PLCL2: variants seen among roughly 807,000 people sequenced by gnomAD.
PLCL2 encodes the protein inactive phospholipase C-like protein 2.
A neutral mutation model predicts 79.6 loss-of-function variants in PLCL2; 4 were observed. The ratio of observed to expected loss-of-function variants is 0.05; its 90% CI spans 0.02 to 0.11. The LOEUF is 0.11. Among genes scored for constraint, PLCL2 ranks in the 10% least tolerant of loss-of-function variants. The pLI is 1.00. For synonymous variants in PLCL2, 484 were observed against 457.7 expected (o/e 1.06, Z -0.73); for missense variants, 895 against 1,291.0 (o/e 0.69, Z 4.70).
chr3:16,971,013 G>T (rs1416861277), intron 1 of PLCL2, among the ~76,000 whole-genome samples: 1 of 152,074 alleles, frequency 6.6e-6, no homozygotes, highest in African/African-American at 2.4e-5. Flanking sequence ...TCTGTAGGTT[G>T]CCTGTTCACT....
intron 1 of PLCL2, among the ~76,000 whole-genome samples, chr3:17,008,893 T>G (rs888457140): frequency 6.6e-6 from 1 of 152,102 alleles, no homozygotes; most frequent in Non-Finnish European, 1.5e-5. Context: ...TCATAGCTCA[T>G]TGCAGCCTCA....
chr3:16,911,918 AATT>A (rs1465080972), intron 1 of PLCL2, among the ~76,000 whole-genome samples: 4 of 152,220 alleles, frequency 2.6e-5, no homozygotes, highest in African/African-American at 9.7e-5. Context: ...TCGTACACAA[AATT>A]ATTAACAATA....
chr3:16,978,641 A>G (rs2063949998), intron 1 of PLCL2, among the ~76,000 whole-genome samples: 1 of 152,204 alleles, frequency 6.6e-6, no homozygotes, highest in South Asian at 2.1e-4. Context: ...TGTTGTCCAC[A>G]GTGTTCTTGA....
intron 5 of PLCL2, among the ~76,000 whole-genome samples, chr3:17,086,391 T>A (rs1284355717): frequency 1.3e-5 from 2 of 152,142 alleles, no homozygotes; most frequent in South Asian, 4.1e-4. Flanking sequence ...ACATGAAAAA[T>A]TCAGTCTAGG....
intron 4 of PLCL2, among the ~76,000 whole-genome samples, chr3:17,046,461 A>C (rs1276991455): frequency 6.6e-6 from 1 of 152,222 alleles, no homozygotes; most frequent in Non-Finnish European, 1.5e-5. Context: ...GAAGACGATC[A>C]AGAAGGAAAC....
At chr3:17,089,299 A>T (rs1352877399) in intron 5 of PLCL2, among the ~76,000 whole-genome samples, 2 of 152,190 alleles carry the variant, frequency 1.3e-5, no homozygotes, top group Non-Finnish European at 2.9e-5. Context: ...CATTGGGGGA[A>T]ATTTGGGAAA....
intron 1 of PLCL2, among the ~76,000 whole-genome samples, chr3:17,006,827 G>A (rs561471462): frequency 2.6e-5 from 4 of 152,292 alleles, no homozygotes; most frequent in African/African-American, 9.6e-5. Flanking sequence ...ACATACATGG[G>A]TATGTGAGCA....
At position 17,009,529 on chromosome 3, in the gene PLCL2, A is replaced by C. The variant is rs2064298057; in HGVS notation, c.328-145A>C. On this transcript the variant is annotated intron_variant, in intron 1 of 5. Transcript: ENST00000615277. The surrounding 1 kb of genome is among the most constrained non-coding windows in gnomAD (Gnocchi z 4.0). ...AGGCCAATTCTGAGCTTTAGAGATG[A>C]ATGAGTATCATTCATCACAGGAATC... 1 of 537,042 alleles carries C rather than the reference A, an allele frequency of 1.9e-6. No individual in the cohort carries two copies. Among genetic ancestry groups the C allele is most frequent in the Non-Finnish European group, 3.3e-6 (1 of 301,230 alleles). 33.3% of individuals were successfully genotyped at this position (537,042 alleles called of 1,614,324 possible).
At chr3:17,063,219 T>TCCC in intron 4 of PLCL2, among the ~76,000 whole-genome samples, 1 of 120,240 alleles carries the variant, frequency 8.3e-6, no homozygotes, top group African/African-American at 3.3e-5. Flanking sequence ...TCTCTTTCTC[T>TCCC]TCCTTCCTCC....
At chr3:16,890,694 C>G (rs1369280803) in intron 1 of PLCL2, among the ~76,000 whole-genome samples, 2 of 152,134 alleles carry the variant, frequency 1.3e-5, no homozygotes, top group Admixed American at 6.6e-5. Context: ...ATACTTTTAC[C>G]AGTGGACCAC....
intron 3 of PLCL2, among the ~76,000 whole-genome samples, chr3:17,018,560 G>T (rs566757537): frequency 6.3e-4 from 96 of 151,882 alleles, no homozygotes; most frequent in Non-Finnish European, 1.2e-3. Flanking sequence ...TGGGGCCTGG[G>T]CTCCATTATT....
chr3:17,056,150 C>T (rs538526598), intron 4 of PLCL2, among the ~76,000 whole-genome samples: 10 of 152,248 alleles, frequency 6.6e-5, no homozygotes, highest in South Asian at 2.1e-4. Flanking sequence ...AGAGGGGTCA[C>T]GAGTAACTCT....
chr3:16,921,809 T>G (rs967381510), intron 1 of PLCL2, among the ~76,000 whole-genome samples: 2 of 152,112 alleles, frequency 1.3e-5, no homozygotes, highest in African/African-American at 4.8e-5. Context: ...CAAGAAAGAA[T>G]TTGATTGTGA....
intron 1 of PLCL2, among the ~76,000 whole-genome samples, chr3:16,924,102 A>G (rs920127843): frequency 2.0e-5 from 3 of 152,154 alleles, no homozygotes; most frequent in Admixed American, 6.5e-5. Context: ...AGTACATCCA[A>G]TGTGTGGGTT....
chr3:17,008,896 C>T (rs373592571), intron 1 of PLCL2, among the ~76,000 whole-genome samples: 2 of 152,126 alleles, frequency 1.3e-5, no homozygotes, highest in African/African-American at 4.8e-5. Context: ...TAGCTCATTG[C>T]AGCCTCAATC....
rs1272936432 is a variant in PLCL2 at position 16,902,881 on chromosome 3, T to TGTGTGTGTGTGTGTGC, written c.327+17516_327+17517insTGTGTGTGTGTGTGCG. On this transcript the variant is annotated intron_variant, in intron 1 of 5. Transcript: ENST00000615277. ...GTGTGTGTGTGTGTGTGTGTGTGTG[T>TGTGTGTGTGTGTGTGC]GNGCGCATGTGCATGCTTTGGAAGG... 5.5e-3 allele frequency among the ~76,000 whole-genome samples: 734 copies of TGTGTGTGTGTGTGTGC among 133,900 alleles called. 7 individuals are homozygous for TGTGTGTGTGTGTGTGC. The highest frequency in any genetic ancestry group is 0.014 in the South Asian group (57 of 3,968). 87.8% of individuals were successfully genotyped at this position (133,900 alleles called of 152,430 possible).
At chr3:16,994,876 C>G (rs190001285) in intron 1 of PLCL2, among the ~76,000 whole-genome samples, 1 of 152,162 alleles carries the variant, frequency 6.6e-6, no homozygotes, top group African/African-American at 2.4e-5. Flanking sequence ...CATCTCTTCC[C>G]CATTTGTGGG....
chr3:17,036,277 C>A (rs560848885), intron 3 of PLCL2, among the ~76,000 whole-genome samples: 10 of 152,268 alleles, frequency 6.6e-5, no homozygotes, highest in Admixed American at 2.0e-4. Context: ...AATAATCTTT[C>A]AGTATTTCAG....
In PLCL2 at chr3:16,931,672, C is replaced by T. The variant is rs73146966; in HGVS notation, c.327+46306C>T. Among the ~76,000 whole-genome samples the T allele has an allele frequency of 6.1e-3, 923 of 152,276 alleles. 13 individuals are homozygous for T. Among genetic ancestry groups the T allele is most frequent in the African/African-American group, 0.021 (876 of 41,544 alleles). On this transcript the variant is annotated intron_variant, in intron 1 of 5. Coordinates refer to ENST00000615277, the MANE Select transcript of PLCL2 (RefSeq NM_001144382.2). ...CCAGTTCGGTTGCTGCCATTTATTA[C>T]GTGAATGACCCCAGGCAAGTCTCTT...
Sources: gnomAD v4.1 joint callset for allele counts (sites outside exome capture counted in the v4.1 genomes callset) on GRCh38, gnomAD v4.1.1 for gene constraint, Gnocchi (gnomAD v3.1) non-coding constraint, MANE v1.5 for transcripts, NCBI Gene and HGNC (gene_info 2026-07-23, HGNC 2026-07-21) for gene names.